The following NELL1 variants were observed in gnomAD, a reference collection of about 807,000 sequenced individuals.
NELL1 encodes protein kinase C-binding protein NELL1.
NELL1 carries 76 observed loss-of-function variants against 107.4 expected under a neutral mutation model. The ratio of observed to expected loss-of-function variants is 0.71; its 90% CI spans 0.59 to 0.86. The LOEUF (loss-of-function observed/expected upper bound fraction) is 0.86. Ranked by LOEUF, NELL1 falls within the 40% of genes least tolerant of loss-of-function variation. NELL1 has a pLI of 0.00. For missense variants in NELL1, 1,024 were observed against 1,005.5 expected, an observed-to-expected ratio of 1.02 and a Z score of -0.25; for synonymous variants, 353 against 341.2, an observed-to-expected ratio of 1.03 and a Z score of -0.38.
chr11:21,467,941 A>C (rs189772586), intron 15 of NELL1, among the ~76,000 whole-genome samples: 4 of 152,226 alleles, frequency 2.6e-5, no homozygotes, highest in African/African-American at 2.4e-5. Flanking sequence ...TTAGGGCTTC[A>C]GTAAATATGG....
intron 10 of NELL1, among the ~76,000 whole-genome samples, chr11:20,943,760 C>T (rs1317151503): frequency 2.0e-5 from 3 of 152,186 alleles, no homozygotes; most frequent in Admixed American, 6.5e-5. Flanking sequence ...AGTCTCCTCT[C>T]TTAGCCTGTC....
At chr11:20,972,678 G>A (rs533542283) in intron 12 of NELL1, among the ~76,000 whole-genome samples, 2 of 152,152 alleles carry the variant, frequency 1.3e-5, no homozygotes, top group Admixed American at 6.5e-5. Context: ...AGCGCAGAGA[G>A]AAAAAGAATT....
Position 21,190,963 on chromosome 11 carries a change from G to T in NELL1, c.1427-38369G>T, listed in dbSNP as rs76326114. Among the ~76,000 whole-genome samples the T allele has an allele frequency of 6.3e-3, 957 of 151,872 alleles. 9 individuals are homozygous for T. The highest frequency in any genetic ancestry group is 0.02 in the Middle Eastern group (6 of 294). Reference sequence around the variant, plus strand: ...TAGCAGGGAAGATTTTGTATGTAATGTTGGGCATATTGCAAGGTGGCAGTG... The same window carrying T: ...TAGCAGGGAAGATTTTGTATGTAATTTTGGGCATATTGCAAGGTGGCAGTG... On this transcript the variant is annotated intron_variant, in intron 13 of 19. Coordinates refer to ENST00000357134, the MANE Select transcript of NELL1 (RefSeq NM_006157.5).
At chr11:20,876,778 C>T (rs1849312405) in intron 4 of NELL1, among the ~76,000 whole-genome samples, 1 of 151,546 alleles carries the variant, frequency 6.6e-6, no homozygotes, top group Non-Finnish European at 1.5e-5. Context: ...CAAAACAAAA[C>T]AAAACAAACA....
chr11:21,039,489 A>T (rs560801044), intron 12 of NELL1, among the ~76,000 whole-genome samples: 172 of 152,154 alleles, frequency 1.1e-3, no homozygotes, highest in African/African-American at 3.9e-3. Flanking sequence ...CCTGGCCAGG[A>T]ATTTTTCTTT....
chr11:21,558,694 A>G (rs919387465), intron 16 of NELL1, among the ~76,000 whole-genome samples: 2 of 152,060 alleles, frequency 1.3e-5, no homozygotes, highest in Non-Finnish European at 2.9e-5. Flanking sequence ...TAAATGAGAG[A>G]AAAACAAAGT....
intron 15 of NELL1, among the ~76,000 whole-genome samples, chr11:21,528,442 A>G (rs1855908886): frequency 1.3e-5 from 2 of 149,974 alleles, no homozygotes; most frequent in Non-Finnish European, 3.0e-5. Context: ...ATTAGCTCCC[A>G]TGGAGTCTGG....
chr11:21,440,620 C>G (rs537904565), intron 15 of NELL1, among the ~76,000 whole-genome samples: 2 of 152,234 alleles, frequency 1.3e-5, no homozygotes, highest in African/African-American at 4.8e-5. Context: ...GTACTACCTA[C>G]TGAAGGAGCG....
intron 15 of NELL1, among the ~76,000 whole-genome samples, chr11:21,451,055 T>C (rs1050108154): frequency 4.0e-5 from 6 of 151,346 alleles, no homozygotes; most frequent in African/African-American, 4.8e-5. Context: ...GGTGTGATGG[T>C]GGGCGCCTGT....
intron 12 of NELL1, among the ~76,000 whole-genome samples, chr11:20,977,175 AT>A (rs533539796): frequency 1.3e-5 from 2 of 151,252 alleles, no homozygotes; most frequent in East Asian, 1.9e-4. Flanking sequence ...TAATTTAGGG[AT>A]TTTTTTTCCT....
chr11:20,831,814 T>C (rs1039545053), intron 3 of NELL1, among the ~76,000 whole-genome samples: 1 of 152,184 alleles, frequency 6.6e-6, no homozygotes, highest in African/African-American at 2.4e-5. Context: ...TTTGTGAAAT[T>C]TATAAGAATT....
At chr11:20,786,792 A>T (rs530939058) in intron 3 of NELL1, among the ~76,000 whole-genome samples, 50 of 152,028 alleles carry the variant, frequency 3.3e-4, no homozygotes, top group Middle Eastern at 3.4e-3. Flanking sequence ...GCATATCACA[A>T]GGTCAGGAGA....
At chr11:21,032,864 C>G (rs1470727180) in intron 12 of NELL1, among the ~76,000 whole-genome samples, 1 of 152,198 alleles carries the variant, frequency 6.6e-6, no homozygotes, top group Non-Finnish European at 1.5e-5. Flanking sequence ...TTCCTAATCT[C>G]AATCTTTCTT....
At chr11:20,832,455 A>G (rs943788537) in intron 3 of NELL1, among the ~76,000 whole-genome samples, 3 of 152,222 alleles carry the variant, frequency 2.0e-5, no homozygotes, top group African/African-American at 7.2e-5. Context: ...CACATGGATC[A>G]TATCTGTTTT....
intron 14 of NELL1, among the ~76,000 whole-genome samples, chr11:21,320,868 T>G (rs1392434722): frequency 6.6e-6 from 1 of 152,222 alleles, no homozygotes; most frequent in Non-Finnish European, 1.5e-5. Context: ...CAAAGTCAAA[T>G]TTCAAGTAAT....
chr11:20,704,539 C>G (rs906001454), intron 2 of NELL1, among the ~76,000 whole-genome samples: 1 of 152,110 alleles, frequency 6.6e-6, no homozygotes, highest in African/African-American at 2.4e-5. Flanking sequence ...GAATTTGATC[C>G]TGTCATTATG....
At chr11:20,755,865 G>GTTTTTTTTTTTTTT (rs574606148) in intron 2 of NELL1, among the ~76,000 whole-genome samples, 3 of 122,070 alleles carry the variant, frequency 2.5e-5, no homozygotes, top group African/African-American at 3.3e-5. Flanking sequence ...CAGACCTGCG[G>GTTTTTTTTTTTTTT]TTTTTTTTTT....
chr11:20,959,308 C>T (rs1268889858), intron 11 of NELL1, among the ~76,000 whole-genome samples: 2 of 152,180 alleles, frequency 1.3e-5, no homozygotes, highest in Non-Finnish European at 2.9e-5. Context: ...TTTGATCCAG[C>T]ATTCCCACTA....
intron 10 of NELL1, among the ~76,000 whole-genome samples, chr11:20,939,339 C>A (rs1300479904): frequency 2.0e-5 from 3 of 151,544 alleles, no homozygotes; most frequent in Non-Finnish European, 4.4e-5. Context: ...GGGGGACTCA[C>A]AGAATCCTCA....
Sources: allele counts gnomAD v4.1 joint callset (sites outside exome capture counted in the v4.1 genomes callset), GRCh38; gene constraint gnomAD v4.1.1; transcripts MANE v1.5; gene names NCBI Gene and HGNC (gene_info 2026-07-23, HGNC 2026-07-21).